The following ROR1 variants were observed in gnomAD, a reference collection of about 807,000 sequenced individuals.
ROR1 encodes inactive tyrosine-protein kinase transmembrane receptor ROR1.
ROR1 carries 19 observed loss-of-function variants against 78.8 expected under a neutral mutation model. That is an observed-to-expected ratio of 0.24 (90% CI 0.17 to 0.35). The LOEUF (loss-of-function observed/expected upper bound fraction) is 0.35. Among genes scored for constraint, ROR1 ranks in the 10% least tolerant of loss-of-function variants. The pLI is 1.00. For missense variants in ROR1, 917 were observed against 1,177.8 expected (o/e 0.78, Z 3.24); for synonymous variants, 386 against 433.6 (o/e 0.89, Z 1.36).
chr1:64,063,372 T>G (rs1646932288), intron 4 of ROR1, among the ~76,000 whole-genome samples: 1 of 152,192 alleles, frequency 6.6e-6, no homozygotes, highest in Admixed American at 6.5e-5. Context: ...AGACAGCCCT[T>G]CCTAAATCTT....
intron 1 of ROR1, among the ~76,000 whole-genome samples, chr1:63,990,068 C>T (rs1351714919): frequency 1.3e-5 from 2 of 152,196 alleles, no homozygotes; most frequent in African/African-American, 2.4e-5. Flanking sequence ...TACCTGTTCC[C>T]GTGTACCTTC....
At chr1:63,856,357 A>C (rs1569824534) in intron 1 of ROR1, among the ~76,000 whole-genome samples, 1 of 152,196 alleles carries the variant, frequency 6.6e-6, no homozygotes, top group Non-Finnish European at 1.5e-5. Context: ...ACACTCTTCT[A>C]TGTGCTCTCC....
At chr1:63,924,102 G>A (rs1464081391) in intron 1 of ROR1, among the ~76,000 whole-genome samples, 1 of 152,168 alleles carries the variant, frequency 6.6e-6, no homozygotes, top group African/African-American at 2.4e-5. Context: ...GATGCAGATA[G>A]CATGGGTTTA....
chr1:64,028,095 C>T (rs1646628861), intron 2 of ROR1, among the ~76,000 whole-genome samples: 1 of 152,134 alleles, frequency 6.6e-6, no homozygotes, highest in African/African-American at 2.4e-5. Context: ...GGAGAACTGC[C>T]TCTCTTCTCT....
chr1:64,060,879 A>G (rs571509835), intron 4 of ROR1, among the ~76,000 whole-genome samples: 1 of 152,236 alleles, frequency 6.6e-6, no homozygotes, highest in African/African-American at 2.4e-5. Flanking sequence ...ATCCACCCCC[A>G]TCACTCAACA....
At chr1:64,167,918 A>C (rs969020291) in intron 8 of ROR1, among the ~76,000 whole-genome samples, 1 of 152,208 alleles carries the variant, frequency 6.6e-6, no homozygotes, top group African/African-American at 2.4e-5. Flanking sequence ...GAGTCCTTTG[A>C]GGATCAGATG....
intron 4 of ROR1, among the ~76,000 whole-genome samples, chr1:64,071,618 A>ACACACACACAC: frequency 6.7e-6 from 1 of 148,664 alleles, no homozygotes; most frequent in African/African-American, 2.6e-5. Context: ...CACACACACA[A>ACACACACACAC]ACCTTGGTGG....
At chr1:64,078,640 A>G (rs1046294914) in intron 4 of ROR1, among the ~76,000 whole-genome samples, 72 of 152,160 alleles carry the variant, frequency 4.7e-4, no homozygotes, top group African/African-American at 1.6e-3. Context: ...ACTAGTGGAG[A>G]CAGGACCTCA....
chr1:64,132,534 T>C (rs551876817), intron 4 of ROR1, among the ~76,000 whole-genome samples: 18 of 151,922 alleles, frequency 1.2e-4, no homozygotes, highest in Non-Finnish European at 1.9e-4. Context: ...CCAAGGCAGG[T>C]GGATCATCTG....
chr1:64,115,610 G>A (rs1396231799), intron 4 of ROR1, among the ~76,000 whole-genome samples: 2 of 137,182 alleles, frequency 1.5e-5, no homozygotes, highest in African/African-American at 5.6e-5. Context: ...GTATATATAT[G>A]TGTATATATA....
chr1:63,895,162 A>G (rs940173144), intron 1 of ROR1, among the ~76,000 whole-genome samples: 2 of 152,210 alleles, frequency 1.3e-5, no homozygotes, highest in African/African-American at 4.8e-5. Context: ...CAAGATAGAG[A>G]TGGCATTTAA....
intron 4 of ROR1, among the ~76,000 whole-genome samples, chr1:64,055,701 T>A (rs374956568): frequency 8.2e-4 from 125 of 152,350 alleles, no homozygotes; most frequent in East Asian, 4.0e-3. Flanking sequence ...TCTCTTTTTT[T>A]AATAACAGTT....
chr1:63,780,248 A>G (rs1230441145), intron 1 of ROR1, among the ~76,000 whole-genome samples: 3 of 151,870 alleles, frequency 2.0e-5, no homozygotes, highest in East Asian at 1.9e-4. Context: ...AAGTATTTCT[A>G]TACAGGATGG....
At chr1:63,794,593 G>A (rs371466354) in intron 1 of ROR1, among the ~76,000 whole-genome samples, 1 of 152,150 alleles carries the variant, frequency 6.6e-6, no homozygotes, top group Non-Finnish European at 1.5e-5. Context: ...GCCAGAGGGC[G>A]GCTCTCCAGC....
intron 1 of ROR1, among the ~76,000 whole-genome samples, chr1:63,802,225 T>C (rs1221803558): frequency 1.3e-5 from 2 of 152,210 alleles, no homozygotes; most frequent in Non-Finnish European, 2.9e-5. Context: ...GATCAAACCC[T>C]ACTGAATCTT....
At chr1:63,862,272 T>C (rs1274936069) in intron 1 of ROR1, among the ~76,000 whole-genome samples, 1 of 150,270 alleles carries the variant, frequency 6.7e-6, no homozygotes, top group Non-Finnish European at 1.5e-5. Context: ...CACATGCTTG[T>C]AATCCCAGCA....
chr1:63,956,628 G>T (rs576312470), intron 1 of ROR1, among the ~76,000 whole-genome samples: 3 of 152,272 alleles, frequency 2.0e-5, no homozygotes, highest in South Asian at 4.1e-4. Context: ...GATTTACTTT[G>T]TGAATCACTC....
intron 4 of ROR1, among the ~76,000 whole-genome samples, 176 bp from the exon 5 acceptor site, chr1:64,137,193 T>C (rs941363495): frequency 6.6e-6 from 1 of 152,200 alleles, no homozygotes; most frequent in East Asian, 1.9e-4. Context: ...ACTTGACCAA[T>C]GTGACCAACA....
intron 1 of ROR1, among the ~76,000 whole-genome samples, chr1:63,918,556 T>C (rs900011272): frequency 2.0e-5 from 3 of 152,226 alleles, no homozygotes; most frequent in Non-Finnish European, 4.4e-5. Flanking sequence ...AGCTCTGTGC[T>C]CCCATTTGGG....
Sources: gnomAD v4.1 joint callset for allele counts (sites outside exome capture counted in the v4.1 genomes callset) on GRCh38, gnomAD v4.1.1 for gene constraint, MANE v1.5 for transcripts, NCBI Gene and HGNC (gene_info 2026-07-23, HGNC 2026-07-21) for gene names.